Variants in FHDC1 observed in about 807,000 individuals in gnomAD.
The protein encoded by FHDC1 is FH2 domain containing 1.
Under a neutral mutation model 52.6 loss-of-function variants are expected in FHDC1, and 25 were observed. That is an observed-to-expected ratio of 0.48 (90% confidence interval 0.35 to 0.66). The LOEUF (loss-of-function observed/expected upper bound fraction) is 0.66. Among genes scored for constraint, FHDC1 ranks in the 30% least tolerant of loss-of-function variants. The pLI, the probability that FHDC1 is intolerant of heterozygous loss-of-function variation, is 0.01. For missense variants in FHDC1, 1,459 were observed against 1,452.8 expected (o/e 1.00, Z -0.07); for synonymous variants, 616 against 581.5 (o/e 1.06, Z -0.85).
At position 152,979,090 on chromosome 4, in the gene FHDC1, G is replaced by A. The variant is rs1740995436; in HGVS notation, c.*2367G>A. On this transcript the variant is annotated 3_prime_UTR_variant, in exon 12 of 12. Coordinates refer to ENST00000511601, the MANE Select transcript of FHDC1 (RefSeq NM_001371116.1). ...AGTGATTCTAAGTTTGTGGATTTGT[G>A]GATAGCAGAGGGATCGGGACCTCTT... The A allele has an allele frequency of 6.6e-6, 1 of 152,348 alleles. No homozygotes were observed. Among genetic ancestry groups the A allele is most frequent in the Non-Finnish European group, 1.5e-5 (1 of 68,054 alleles). 9.4% of individuals were successfully genotyped at this position (152,348 alleles called of 1,614,324 possible). A position where few individuals can be genotyped will look rare whatever the true frequency, so the allele number is the denominator to read the frequency against.
chr4:152,973,191 CTT>C (rs912865500), intron 11 of FHDC1, among the ~76,000 whole-genome samples: 1 of 152,200 alleles, frequency 6.6e-6, no homozygotes, highest in African/African-American at 2.4e-5. Context: ...TCAAGTAAAA[CTT>C]TAATTCATCA....
Position 152,949,154 on chromosome 4 carries a change from G to T in FHDC1, c.499-4345G>T, listed in dbSNP as rs1162239666. On this transcript the variant is annotated intron_variant, in intron 2 of 11. Coordinates refer to ENST00000511601, the MANE Select transcript of FHDC1 (RefSeq NM_001371116.1). ...AGAAGAAGAAGAAGAAGAAGAAGAA[G>T]AAGAAGAAGAAGAAGAAGCAGAAGA... is the stretch of plus-strand genomic sequence containing the variant. 1.5e-3 allele frequency among the ~76,000 whole-genome samples: 224 copies of T among 150,284 alleles called. 1 individual carries two copies. The highest frequency in any genetic ancestry group is 0.014 in the Middle Eastern group (4 of 288).
Position 152,943,006 on chromosome 4 carries a change from G to A in FHDC1, c.-52G>A. 6.5e-7 allele frequency: 1 copy of A among 1,550,260 alleles called. No individual in the cohort carries two copies. The highest frequency in any genetic ancestry group is 1.2e-5 in the South Asian group (1 of 80,172). On this transcript the variant is annotated 5_prime_UTR_variant, in exon 2 of 12. In the 5' UTR this introduces an upstream ATG that the reference lacks. Transcript: ENST00000511601. Reference sequence around the variant, plus strand: ...AAAGTGCTACACAAGTTTGATGTTTGTGTCTTCTTCTCCAAGGCCAAGAAA... The same window carrying A: ...AAAGTGCTACACAAGTTTGATGTTTATGTCTTCTTCTCCAAGGCCAAGAAA...
intron 11 of FHDC1, among the ~76,000 whole-genome samples, chr4:152,973,219 G>A (rs1442832174): frequency 6.6e-6 from 1 of 152,182 alleles, no homozygotes; most frequent in Non-Finnish European, 1.5e-5. Context: ...AAGCAAACCG[G>A]CCACTCACAT....
At position 152,975,324 on chromosome 4, in the gene FHDC1, G is replaced by A. The variant is rs757270016; in HGVS notation, c.2033G>A (p.Gly678Glu). The change falls in exon 12 of 12, where the codon GGG (glycine) becomes GAG (glutamate). Residue 678 changes from glycine (G) to glutamate (E), a missense_variant. Around this residue, in one of 3 missense-constraint regions of FHDC1, gnomAD observed 939 missense variants for 854.5 expected, o/e 1.10. Transcript: ENST00000511601. ...ATTAAGGAGCATGAGCTGGTGACAGGGCTGGCCCAGTTCAACCTCCAGGGT... is the reference window on the plus strand; with the variant it reads ...ATTAAGGAGCATGAGCTGGTGACAGAGCTGGCCCAGTTCAACCTCCAGGGT... The part of the protein sequence containing the change: ...LGIKEHELVT[G>E]LAQFNLQGSQ... 1.2e-6 allele frequency: 2 copies of A among 1,613,638 alleles called. No individual in the cohort carries two copies. The highest frequency in any genetic ancestry group is 1.7e-6 in the Non-Finnish European group (2 of 1,180,030).
chr4:152,977,976 C>G lies in FHDC1; in HGVS notation c.*1253C>G, dbSNP rs1740952338. The G allele has an allele frequency of 1.3e-5, 2 of 152,362 alleles. No homozygotes were observed. Among genetic ancestry groups the G allele is most frequent in the South Asian group, 4.1e-4 (2 of 4,828 alleles). The allele number at this position is 152,362 out of a possible 1,614,324, so 9.4% of individuals were successfully genotyped here. A position where few individuals can be genotyped will look rare whatever the true frequency, so the allele number is the denominator to read the frequency against. The stretch of plus-strand genomic sequence containing the variant: ...AACAGGAGGGAAAGTTGGACTCAGA[C>G]AGAAATCAGATGCTTCCATGTATTC... On this transcript the variant is annotated 3_prime_UTR_variant, in exon 12 of 12. Coordinates refer to ENST00000511601, the MANE Select transcript of FHDC1 (RefSeq NM_001371116.1).
chr4:152,921,745 T>C, the FHDC1 span, among the ~76,000 whole-genome samples: 2 of 152,160 alleles, frequency 1.3e-5, no homozygotes, highest in Admixed American at 6.6e-5. Context: ...GCTGCATTCA[T>C]AGCTTTATAA....
chr4:152,978,272 G>A lies in FHDC1; in HGVS notation c.*1549G>A, dbSNP rs1740961115. The A allele has an allele frequency of 6.6e-6, 1 of 152,222 alleles. No homozygotes were observed. Among genetic ancestry groups the A allele is most frequent in the Non-Finnish European group, 1.5e-5 (1 of 68,054 alleles). 9.4% of individuals were successfully genotyped at this position (152,222 alleles called of 1,614,324 possible). A position where few individuals can be genotyped will look rare whatever the true frequency, so the allele number is the denominator to read the frequency against. On this transcript the variant is annotated 3_prime_UTR_variant, in exon 12 of 12. Coordinates refer to ENST00000511601, the MANE Select transcript of FHDC1 (RefSeq NM_001371116.1). ...GTTACAGGGAGGTGCAAACCATTCTGTCTCCCAGCCTTTCTTCTCTCTTTG... is the reference window on the plus strand; with the variant it reads ...GTTACAGGGAGGTGCAAACCATTCTATCTCCCAGCCTTTCTTCTCTCTTTG...
intron 4 of FHDC1, 52 bp downstream of exon 4, chr4:152,954,371 T>C (rs1221735702): frequency 6.8e-7 from 1 of 1,471,994 alleles, no homozygotes; most frequent in South Asian, 1.1e-5. Context: ...CATAAAAGCT[T>C]AATATTTTTA....
chr4:152,952,371 C>G (rs1167553375), intron 2 of FHDC1, among the ~76,000 whole-genome samples: 1 of 151,902 alleles, frequency 6.6e-6, no homozygotes, highest in Non-Finnish European at 1.5e-5. Context: ...TAAATTGGGG[C>G]TTTTAAATGT....
At chr4:152,928,699 A>T in the FHDC1 span, among the ~76,000 whole-genome samples, 1 of 152,126 alleles carries the variant, frequency 6.6e-6, no homozygotes, top group Non-Finnish European at 1.5e-5. Flanking sequence ...CGGGTGATGA[A>T]ATGGAGCCCT....
chr4:152,924,323 C>G, the FHDC1 span, among the ~76,000 whole-genome samples: 12 of 152,210 alleles, frequency 7.9e-5, no homozygotes, highest in East Asian at 2.1e-3. Context: ...CCATCTCACA[C>G]CAGTTAGAAT....
the FHDC1 span, among the ~76,000 whole-genome samples, chr4:152,921,757 C>A: frequency 6.6e-6 from 1 of 152,112 alleles, no homozygotes; most frequent in Middle Eastern, 3.4e-3. Context: ...GCTTTATAAC[C>A]CTCATGCCAA....
rs1740823145 is a variant in FHDC1, at chr4:152,975,333, A to C, written c.2042A>C (p.Gln681Pro). ...CATGAGCTGGTGACAGGGCTGGCCC[A>C]GTTCAACCTCCAGGGTTCCCAGGGC... The part of the protein sequence containing the change: ...KEHELVTGLA[Q>P]FNLQGSQGME... Residue 681 changes from glutamine (Q) to proline (P), a missense_variant, in exon 12 of 12, where the codon CAG (glutamine) becomes CCG (proline). Coordinates refer to ENST00000511601, the MANE Select transcript of FHDC1 (RefSeq NM_001371116.1). 1 of 1,613,550 alleles carries C rather than the reference A, an allele frequency of 6.2e-7. No individual in the cohort carries two copies. The highest frequency in any genetic ancestry group is 1.3e-5 in the African/African-American group (1 of 74,944).
the FHDC1 span, among the ~76,000 whole-genome samples, chr4:152,922,299 T>G: frequency 4.3e-3 from 656 of 152,264 alleles, 4 homozygotes; most frequent in African/African-American, 0.015. Flanking sequence ...CTCCCAAGAC[T>G]AAACCAGGAA....
At chr4:152,914,494 T>G in the FHDC1 span, among the ~76,000 whole-genome samples, 1 of 152,224 alleles carries the variant, frequency 6.6e-6, no homozygotes, top group East Asian at 1.9e-4. Context: ...TCTACTCTTG[T>G]GCAGTTAATT....
the FHDC1 span, among the ~76,000 whole-genome samples, chr4:152,912,591 A>G: frequency 6.6e-6 from 1 of 152,184 alleles, no homozygotes; most frequent in African/African-American, 2.4e-5. Context: ...GAGCATACAC[A>G]TGTACCTGTT....
intron 2 of FHDC1, among the ~76,000 whole-genome samples, chr4:152,950,949 T>C (rs1232107179): frequency 6.6e-6 from 1 of 152,234 alleles, no homozygotes; most frequent in East Asian, 1.9e-4. Context: ...TTTCCTTACC[T>C]GTCCAGTAGA....
intron 2 of FHDC1, among the ~76,000 whole-genome samples, chr4:152,950,503 C>T (rs568757521): frequency 1.3e-4 from 20 of 152,252 alleles, no homozygotes; most frequent in African/African-American, 4.3e-4. Flanking sequence ...TCGGGTTTTC[C>T]CTTAGGAATA....
Sources: gnomAD v4.1 joint callset for allele counts (sites outside exome capture counted in the v4.1 genomes callset) on GRCh38, gnomAD v4.1.1 for gene constraint, gnomAD v4.1.1 regional missense constraint, MANE v1.5 for transcripts, NCBI Gene and HGNC (gene_info 2026-07-23, HGNC 2026-07-21) for gene names.